SLC4A10: variants seen among roughly 807,000 people sequenced by gnomAD.
SLC4A10 encodes the protein solute carrier family 4 member 10.
In SLC4A10, 42 loss-of-function variants were observed where a neutral mutation model predicts 137.7. The ratio of observed to expected loss-of-function variants is 0.30; its 90% CI spans 0.24 to 0.39. SLC4A10 has a LOEUF of 0.39. SLC4A10 is among the 10% of genes least tolerant of loss of function. SLC4A10 has a pLI of 1.00. For synonymous variants in SLC4A10, 474 were observed against 464.1 expected (o/e 1.02, Z -0.27); for missense variants, 925 against 1,355.0 (o/e 0.68, Z 4.98).
intron 10 of SLC4A10, among the ~76,000 whole-genome samples, chr2:161,887,241 G>C (rs1307329952): frequency 1.3e-5 from 2 of 152,090 alleles, no homozygotes; most frequent in Non-Finnish European, 2.9e-5. Context: ...GAATAGTGCT[G>C]AAATAAATAT....
chr2:161,688,087 CA>C (rs2041625906), intron 1 of SLC4A10, among the ~76,000 whole-genome samples: 1 of 151,968 alleles, frequency 6.6e-6, no homozygotes, highest in Non-Finnish European at 1.5e-5. Context: ...ATGTTTTATT[CA>C]GTGATAAGAA....
chr2:161,698,844 C>A lies in SLC4A10; in HGVS notation c.49-72129C>A, dbSNP rs184737570. On this transcript the variant is annotated intron_variant, in intron 1 of 26. Coordinates refer to ENST00000446997, the MANE Select transcript of SLC4A10 (RefSeq NM_001178015.2). ...CATAAAATGAGTTAGGGAGGATAAC[C>A]TCTTTTTCATATTGATTGGAGTAGT... Among the ~76,000 whole-genome samples the A allele has an allele frequency of 6.0e-4, 91 of 152,170 alleles. No individual in the cohort carries two copies. The East Asian group carries it at 0.012, about 19-fold the overall frequency.
intron 1 of SLC4A10, among the ~76,000 whole-genome samples, chr2:161,759,285 A>T (rs2049993870): frequency 6.6e-6 from 1 of 151,998 alleles, no homozygotes; most frequent in African/African-American, 2.4e-5. Flanking sequence ...AATCAAGTTA[A>T]TCAATACATC....
intron 15 of SLC4A10, among the ~76,000 whole-genome samples, chr2:161,933,241 TTC>T (rs1172367126): frequency 7.4e-6 from 1 of 134,628 alleles, no homozygotes; most frequent in African/African-American, 2.7e-5. Context: ...CTTTCTTTCT[TTC>T]TTTCTTTCTT....
At chr2:161,873,036 A>C (rs2061236286) in intron 7 of SLC4A10, among the ~76,000 whole-genome samples, 1 of 152,118 alleles carries the variant, frequency 6.6e-6, no homozygotes, top group Non-Finnish European at 1.5e-5. Flanking sequence ...TTGTTTAAAA[A>C]CTTTGGCTAG....
At chr2:161,835,041 T>C (rs1391602288) in intron 3 of SLC4A10, among the ~76,000 whole-genome samples, 2 of 2,630 alleles carry the variant, frequency 7.6e-4, no homozygotes, top group Non-Finnish European at 1.4e-3. Flanking sequence ...CTATATGTCT[T>C]TTTTTTTTTT....
chr2:161,887,787 G>A (rs544320733), intron 10 of SLC4A10, among the ~76,000 whole-genome samples: 12 of 152,138 alleles, frequency 7.9e-5, no homozygotes, highest in Non-Finnish European at 1.5e-4. Context: ...TTCTTTTGCT[G>A]TGCAGAAGCT....
At position 161,804,560 on chromosome 2, in the gene SLC4A10, C is replaced by T; in HGVS notation, c.242C>T (p.Ser81Leu). ...KHRKRDRERD[S>L]GLEDGRESPS... ...AGAAAGAGAGACAGAGAAAGAGATT[C>T]AGGATTAGAGGATGGAAGGGAGTCA... Residue 81 changes from serine (S) to leucine (L), a missense_variant, in exon 3 of 27, where the codon TCA becomes TTA. By Grantham distance (145) the Ser-to-Leu change is moderately radical (BLOSUM62 -2). Around this residue, in one of 11 missense-constraint regions of SLC4A10, gnomAD observed 138 missense variants for 171.3 expected, o/e 0.81. Transcript: ENST00000446997. 6.2e-7 allele frequency: 1 copy of T among 1,612,542 alleles called. No individual in the cohort carries two copies. The highest frequency in any genetic ancestry group is 8.5e-7 in the Non-Finnish European group (1 of 1,179,132).
chr2:161,667,979 A>G (rs1481813576), intron 1 of SLC4A10, among the ~76,000 whole-genome samples: 1 of 151,848 alleles, frequency 6.6e-6, no homozygotes, highest in Non-Finnish European at 1.5e-5. Flanking sequence ...CTTATTTTCT[A>G]TACTTATAAA....
chr2:161,964,021 T>C (rs1697170170), intron 21 of SLC4A10, 114 bp from the exon 22 acceptor site: 1 of 743,106 alleles, frequency 1.3e-6, no homozygotes, highest in African/African-American at 1.8e-5. Context: ...ATCAACTTAG[T>C]GTTATCCAGG....
intron 17 of SLC4A10, 101 bp from the exon 18 acceptor site, chr2:161,949,047 A>G (rs1559606070): frequency 3.0e-6 from 2 of 676,782 alleles, no homozygotes; most frequent in East Asian, 2.8e-5. Context: ...TTATGATATT[A>G]TGTCATAAAG....
At chr2:161,836,585 AAAGAAAGAAAGAAAGG>A (rs1308387950) in intron 3 of SLC4A10, among the ~76,000 whole-genome samples, 20,410 of 98,706 alleles carry the variant, frequency 0.21, 2,961 homozygotes, top group East Asian at 0.38. Context: ...AGAAAGAAAG[AAAGAAAGAAAGAAAGG>A]AAGGAAGGAA....
intron 9 of SLC4A10, among the ~76,000 whole-genome samples, chr2:161,880,491 G>A (rs77968436): frequency 2.8e-3 from 425 of 152,194 alleles, no homozygotes; most frequent in Non-Finnish European, 4.9e-3. Context: ...GTCTGACTAT[G>A]GTTTGGGGGA....
intron 8 of SLC4A10, among the ~76,000 whole-genome samples, chr2:161,876,215 C>G (rs965824615): frequency 6.6e-6 from 1 of 152,126 alleles, no homozygotes; most frequent in Admixed American, 6.6e-5. Flanking sequence ...ATTCAGAGGA[C>G]CAGAAACTTC....
At chr2:161,765,351 A>G (rs758088020) in intron 1 of SLC4A10, among the ~76,000 whole-genome samples, 11 of 152,146 alleles carry the variant, frequency 7.2e-5, no homozygotes, top group Non-Finnish European at 1.3e-4. Flanking sequence ...TCACGCCTGT[A>G]ATCTTAGCAC....
chr2:161,762,344 T>G (rs57569793), intron 1 of SLC4A10, among the ~76,000 whole-genome samples: 364 of 152,240 alleles, frequency 2.4e-3, no homozygotes, highest in African/African-American at 7.9e-3. Context: ...AAAAGTTAGG[T>G]TTGACTTATG....
chr2:161,777,959 A>G (rs961220173), intron 2 of SLC4A10, among the ~76,000 whole-genome samples: 1 of 152,006 alleles, frequency 6.6e-6, no homozygotes, highest in Non-Finnish European at 1.5e-5. Context: ...TCTTAACATT[A>G]CACGTTATAA....
At position 161,872,297 on chromosome 2, in the gene SLC4A10, T is replaced by G; in HGVS notation, c.771T>G (p.Gly257=). 6.2e-7 allele frequency: 1 copy of G among 1,612,552 alleles called. No individual in the cohort carries two copies. Among genetic ancestry groups the G allele is most frequent in the East Asian group, 2.2e-5 (1 of 44,804 alleles). ...TGTCACAACAATCTCTTTTAGCAGG[T>G]CAGGTTGTTTCTCCTCAGTCTGCTC... ...SEPNSMDKNA[G]QVVSPQSAPA... Residue 257 remains glycine (G), a synonymous_variant, in exon 7 of 27, where the codon GGT becomes GGG. Coordinates refer to ENST00000446997, the MANE Select transcript of SLC4A10 (RefSeq NM_001178015.2).
chr2:161,731,873 C>T (rs2046857119), intron 1 of SLC4A10, among the ~76,000 whole-genome samples: 1 of 152,134 alleles, frequency 6.6e-6, no homozygotes, highest in Non-Finnish European at 1.5e-5. Flanking sequence ...AGACACATAT[C>T]AAATCAGTAA....
Sources: allele counts gnomAD v4.1 joint callset (sites outside exome capture counted in the v4.1 genomes callset), GRCh38; gene constraint gnomAD v4.1.1; regional missense constraint gnomAD v4.1.1; transcripts MANE v1.5; gene names NCBI Gene and HGNC (gene_info 2026-07-23, HGNC 2026-07-21).